Variants in WDR47 observed in about 807,000 individuals in gnomAD.
WDR47 encodes WD repeat domain 47, also known as WD repeat-containing protein 47.
In WDR47, 32 loss-of-function variants were observed where a neutral mutation model predicts 97.2. The observed-to-expected ratio is 0.33, with a 90% CI of 0.25 to 0.44. WDR47 has a LOEUF of 0.44. Ranked by LOEUF, WDR47 falls within the 20% of genes least tolerant of loss-of-function variation. The probability of loss-of-function intolerance (pLI) is 1.00; values close to 1 mark genes in which losing one functional copy is unlikely to be tolerated. For synonymous variants in WDR47, 375 were observed against 373.5 expected (o/e 1.00, Z -0.05); for missense variants, 782 against 1,102.3 (o/e 0.71, Z 4.11).
chr1:108,975,350 G>A (rs185389781), intron 13 of WDR47, among the ~76,000 whole-genome samples: 10 of 151,672 alleles, frequency 6.6e-5, no homozygotes, highest in Non-Finnish European at 1.3e-4. Flanking sequence ...CAGGCTGGGC[G>A]CGGTGGCTCA....
intron 9 of WDR47, 146 bp from the exon 10 acceptor site, chr1:108,986,826 T>C (rs1026184367): frequency 2.4e-5 from 16 of 669,590 alleles, no homozygotes; most frequent in Admixed American, 9.6e-5. Context: ...TTCTTTTCTC[T>C]ATGTTTTTCT....
At chr1:108,985,816 T>G (rs948456987) in intron 10 of WDR47, among the ~76,000 whole-genome samples, 1 of 152,130 alleles carries the variant, frequency 6.6e-6, no homozygotes, top group Non-Finnish European at 1.5e-5. Context: ...ATAGAGAATT[T>G]TGCCATTCTT....
intron 5 of WDR47, among the ~76,000 whole-genome samples, chr1:109,006,626 G>A (rs1660644719): frequency 6.6e-6 from 1 of 152,084 alleles, no homozygotes; most frequent in African/African-American, 2.4e-5. Context: ...CAGTTTATAA[G>A]ACCCATTTCA....
intron 13 of WDR47, among the ~76,000 whole-genome samples, chr1:108,981,082 C>G (rs917744845): frequency 5.4e-5 from 8 of 147,008 alleles, no homozygotes; most frequent in Non-Finnish European, 9.0e-5. Context: ...GAGCCAAGAT[C>G]ACGCCACTGC....
At position 109,002,416 on chromosome 1, in the gene WDR47, G is replaced by GA. The variant is rs777637326; in HGVS notation, c.1255-15dup. 2.2e-5 allele frequency: 34 copies of GA among 1,549,030 alleles called. No homozygotes were observed. Among genetic ancestry groups the GA allele is most frequent in the South Asian group, 8.5e-5 (7 of 81,888 alleles). Reference sequence around the variant, plus strand: ...TGAATCTCGAAGCTTAAAAACATTAGAAAAAAACATATATATTTGAGCAAA... The same window carrying GA: ...TGAATCTCGAAGCTTAAAAACATTAGAAAAAAAACATATATATTTGAGCAAA... On this transcript the variant is annotated splice_polypyrimidine_tract_variant and intron_variant, in intron 6 of 14. Transcript: ENST00000369962.
rs1482329577 is a variant in WDR47, at chr1:108,982,788, G to T, written c.2096-9C>A. On this transcript the variant is annotated splice_polypyrimidine_tract_variant and intron_variant, in intron 11 of 14. Transcript: ENST00000369962. ...AAATTCCAGATCTGGTCCTGAAACAGTAGTAAGAATTAAAAAAAAAAAATG... is the reference window on the plus strand; with the variant it reads ...AAATTCCAGATCTGGTCCTGAAACATTAGTAAGAATTAAAAAAAAAAAATG... 3.2e-6 allele frequency: 5 copies of T among 1,586,008 alleles called. No homozygotes were observed. Among genetic ancestry groups the T allele is most frequent in the Middle Eastern group, 1.7e-4 (1 of 5,898 alleles).
chr1:109,008,221 A>C (rs1418829310), intron 5 of WDR47, among the ~76,000 whole-genome samples: 3 of 152,012 alleles, frequency 2.0e-5, no homozygotes. Context: ...CTCCTCTATA[A>C]TCTCAGAGCA....
At chr1:108,992,370 G>A (rs1659418623) in intron 8 of WDR47, 8 of 1,419,854 alleles carry the variant, frequency 5.6e-6, no homozygotes, top group East Asian at 2.3e-5. Flanking sequence ...AAGAACACTC[G>A]TGAAACTGCT....
chr1:109,004,476 A>G lies in WDR47; in HGVS notation c.1254+116T>C. ...AAATAAGCTAATAATAAGAAAATCT[A>G]TGTATATTATTTCCTACTCCCAAAT... is the stretch of plus-strand genomic sequence containing the variant. On this transcript the variant is annotated intron_variant, in intron 6 of 14. Transcript: ENST00000369962. The G allele has an allele frequency of 5.7e-6, 7 of 1,218,094 alleles. No homozygotes were observed. The South Asian group carries it at 7.4e-5, about 13-fold the overall frequency. 75.5% of individuals were successfully genotyped at this position (1,218,094 alleles called of 1,614,324 possible).
At chr1:108,983,535 A>G in intron 10 of WDR47, 84 bp from the exon 11 acceptor site, 1 of 1,175,052 alleles carries the variant, frequency 8.5e-7, no homozygotes, top group Non-Finnish European at 1.1e-6. Context: ...CTTGTTCTTG[A>G]AGGAAGGAGA....
chr1:109,029,019 T>C (rs1662425879), intron 1 of WDR47, among the ~76,000 whole-genome samples: 1 of 152,198 alleles, frequency 6.6e-6, no homozygotes, highest in South Asian at 2.1e-4. Flanking sequence ...GAGTGTTCTT[T>C]AAATATAAGT....
At chr1:109,037,709 CACA>C (rs755141134) in intron 1 of WDR47, among the ~76,000 whole-genome samples, 15 of 150,690 alleles carry the variant, frequency 1.0e-4, no homozygotes, top group African/African-American at 1.7e-4. Flanking sequence ...TCTTTTTCAT[CACA>C]ACAACAAGAG....
At chr1:108,999,007 C>T (rs1659960680) in intron 7 of WDR47, among the ~76,000 whole-genome samples, 1 of 152,070 alleles carries the variant, frequency 6.6e-6, no homozygotes, top group Admixed American at 6.6e-5. Context: ...AGGTGGATCA[C>T]CTGAGGTCAG....
chr1:108,999,189 T>G (rs908646022), intron 7 of WDR47, among the ~76,000 whole-genome samples: 1 of 150,174 alleles, frequency 6.7e-6, no homozygotes, highest in Non-Finnish European at 1.5e-5. Flanking sequence ...ATCGCGCCAC[T>G]GCACTCCAGC....
intron 14 of WDR47, among the ~76,000 whole-genome samples, chr1:108,972,853 A>G (rs1197112958): frequency 6.6e-6 from 1 of 151,660 alleles, no homozygotes; most frequent in Non-Finnish European, 1.5e-5. Flanking sequence ...AGGCTGAGGC[A>G]GGAGAATGGC....
At chr1:109,040,595 T>C (rs978040127) in intron 1 of WDR47, among the ~76,000 whole-genome samples, 1 of 152,162 alleles carries the variant, frequency 6.6e-6, no homozygotes, top group Non-Finnish European at 1.5e-5. Flanking sequence ...CCTAACAATA[T>C]ACTGTTGTGA....
At chr1:109,013,673 G>C (rs1429715917) in intron 4 of WDR47, 168 bp downstream of exon 4, 1 of 637,608 alleles carries the variant, frequency 1.6e-6, no homozygotes, top group Non-Finnish European at 2.6e-6. Context: ...AACAAGTTTA[G>C]AAGCGCTACA....
chr1:108,989,844 G>A (rs921920920), intron 9 of WDR47, among the ~76,000 whole-genome samples: 1 of 151,794 alleles, frequency 6.6e-6, no homozygotes, highest in African/African-American at 2.4e-5. Context: ...ACAGGCACCC[G>A]CCATCACACT....
chr1:109,010,671 C>G (rs569321279), intron 5 of WDR47, among the ~76,000 whole-genome samples: 8 of 150,962 alleles, frequency 5.3e-5, no homozygotes, highest in Admixed American at 2.0e-4. Context: ...CAAGCTCCCC[C>G]TCCCGGGTTC....
Sources: gnomAD v4.1 joint callset for allele counts (sites outside exome capture counted in the v4.1 genomes callset) on GRCh38, gnomAD v4.1.1 for gene constraint, MANE v1.5 for transcripts, NCBI Gene and HGNC (gene_info 2026-07-23, HGNC 2026-07-21) for gene names.